Variants in TMTC1 observed in about 807,000 individuals in gnomAD.
TMTC1 encodes the protein transmembrane O-mannosyltransferase targeting cadherins 1.
TMTC1 carries 73 observed loss-of-function variants against 104.8 expected under a neutral mutation model. The ratio of observed to expected loss-of-function variants is 0.70; its 90% CI spans 0.58 to 0.85. The LOEUF (loss-of-function observed/expected upper bound fraction) is 0.85. Among genes scored for constraint, TMTC1 ranks in the 40% least tolerant of loss-of-function variants. The pLI is 0.00. For synonymous variants in TMTC1, 434 were observed against 428.7 expected (o/e 1.01, Z -0.15); for missense variants, 1,035 against 1,096.1 (o/e 0.94, Z 0.79).
chr12:29,725,406 T>C (rs1182658029), intron 5 of TMTC1, among the ~76,000 whole-genome samples: 2 of 151,986 alleles, frequency 1.3e-5, no homozygotes, highest in Non-Finnish European at 2.9e-5. Flanking sequence ...CCATCTCAGC[T>C]CACTGCAACC....
At chr12:29,761,582 G>GTTTTTTTT (rs10696109) in intron 2 of TMTC1, among the ~76,000 whole-genome samples, 1 of 149,398 alleles carries the variant, frequency 6.7e-6, no homozygotes. Flanking sequence ...TGCATTTCTC[G>GTTTTTTTT]TTTTTTTTTT....
intron 10 of TMTC1, among the ~76,000 whole-genome samples, chr12:29,555,954 G>T (rs1945233334): frequency 6.6e-6 from 1 of 152,044 alleles, no homozygotes; most frequent in African/African-American, 2.4e-5. Context: ...GCAACCATGT[G>T]GATTGTCAGC....
rs368756453 is a variant in TMTC1, at chr12:29,736,801, C to T, written c.938+14865G>A. 5.9e-5 allele frequency among the ~76,000 whole-genome samples: 9 copies of T among 152,336 alleles called. No individual in the cohort carries two copies. The East Asian group carries it at 1.7e-3, about 29-fold the overall frequency. On this transcript the variant is annotated intron_variant, in intron 5 of 17. Transcript: ENST00000539277. ...ATGACTACGTGCAACACTGTGCTGG[C>T]ATGCCCACAGCAAAAGCTTGCACAG...
intron 6 of TMTC1, among the ~76,000 whole-genome samples, chr12:29,616,234 C>T (rs1212771165): frequency 6.6e-6 from 1 of 152,136 alleles, no homozygotes; most frequent in Non-Finnish European, 1.5e-5. Flanking sequence ...TTGAGAAATG[C>T]TGGTACAAAC....
At chr12:29,682,247 A>G (rs566241878) in intron 5 of TMTC1, among the ~76,000 whole-genome samples, 2 of 152,234 alleles carry the variant, frequency 1.3e-5, no homozygotes, top group Non-Finnish European at 2.9e-5. Flanking sequence ...AAAATAGAGC[A>G]ATATCAAATA....
chr12:29,610,673 G>A (rs933597871), intron 6 of TMTC1, among the ~76,000 whole-genome samples: 4 of 152,188 alleles, frequency 2.6e-5, no homozygotes, highest in Admixed American at 6.5e-5. Flanking sequence ...CGGCCCCAGT[G>A]GTCACAAGGT....
chr12:29,555,486 C>G (rs139519183), intron 10 of TMTC1, among the ~76,000 whole-genome samples: 3 of 151,876 alleles, frequency 2.0e-5, no homozygotes, highest in South Asian at 2.1e-4. Flanking sequence ...CCCCCTACCC[C>G]CCGACAGGCC....
At chr12:29,526,037 T>C (rs1490975253) in intron 11 of TMTC1, among the ~76,000 whole-genome samples, 1 of 152,204 alleles carries the variant, frequency 6.6e-6, no homozygotes, top group Non-Finnish European at 1.5e-5. Context: ...GACAGTTGAA[T>C]GAAATTTCTC....
chr12:29,526,554 C>G (rs1247199426), intron 11 of TMTC1, among the ~76,000 whole-genome samples: 1 of 152,120 alleles, frequency 6.6e-6, no homozygotes, highest in Admixed American at 6.6e-5. Flanking sequence ...CCCAGTCAGT[C>G]TCTTCATTAG....
chr12:29,622,624 T>C (rs879687773), intron 6 of TMTC1, among the ~76,000 whole-genome samples: 13 of 152,226 alleles, frequency 8.5e-5, no homozygotes, highest in Admixed American at 1.3e-4. Flanking sequence ...TAACTGTACA[T>C]GCATTCCCAC....
chr12:29,768,977 T>G (rs1037170984), intron 1 of TMTC1, among the ~76,000 whole-genome samples: 6 of 152,204 alleles, frequency 3.9e-5, no homozygotes, highest in African/African-American at 1.4e-4. Context: ...CAGGGAGCAC[T>G]GATACCCTAA....
chr12:29,708,865 CA>C (rs1941823533), intron 5 of TMTC1, among the ~76,000 whole-genome samples: 2 of 152,106 alleles, frequency 1.3e-5, no homozygotes, highest in Admixed American at 6.5e-5. Context: ...CATCTAAAAT[CA>C]AGGGCCAAGT....
intron 5 of TMTC1, among the ~76,000 whole-genome samples, chr12:29,688,667 T>G (rs1004590731): frequency 2.0e-5 from 3 of 152,240 alleles, no homozygotes; most frequent in African/African-American, 7.2e-5. Context: ...CTATGGGTGT[T>G]TCACATGTAT....
chr12:29,584,279 C>T (rs1946065382), intron 7 of TMTC1, among the ~76,000 whole-genome samples: 1 of 152,114 alleles, frequency 6.6e-6, no homozygotes. Context: ...CTACATGGTC[C>T]CTCACATCAT....
At chr12:29,769,908 T>C (rs769123487) in intron 1 of TMTC1, among the ~76,000 whole-genome samples, 1 of 151,818 alleles carries the variant, frequency 6.6e-6, no homozygotes, top group Admixed American at 6.6e-5. Flanking sequence ...GTATAAAATA[T>C]ATATAAACTA....
At chr12:29,741,013 T>A (rs934673060) in intron 5 of TMTC1, among the ~76,000 whole-genome samples, 15 of 152,212 alleles carry the variant, frequency 9.9e-5, no homozygotes, top group African/African-American at 3.6e-4. Context: ...AAGCAAATGA[T>A]CCCTAAGACA....
chr12:29,658,762 A>G (rs532704628), intron 5 of TMTC1: 19 of 190,202 alleles, frequency 1.0e-4, no homozygotes, highest in South Asian at 6.3e-4. Context: ...GAGAACATCT[A>G]TGGGGTGCCT....
chr12:29,643,426 CTG>C (rs1938958338), intron 5 of TMTC1, among the ~76,000 whole-genome samples: 1 of 55,554 alleles, frequency 1.8e-5, no homozygotes, highest in African/African-American at 9.0e-5. Context: ...AGTGGATAAA[CTG>C]TGATATATAT....
chr12:29,501,999 T>C lies in TMTC1; in HGVS notation c.*4847A>G, dbSNP rs1264220166. 6.6e-6 allele frequency: 1 copy of C among 151,838 alleles called. No homozygotes were observed. Among genetic ancestry groups the C allele is most frequent in the Non-Finnish European group, 1.5e-5 (1 of 67,972 alleles). The allele number at this position is 151,838 out of a possible 1,614,324, so 9.4% of individuals were successfully genotyped here. The stretch of plus-strand genomic sequence containing the variant: ...AGAACTATTCAGCATATTTTCCTTT[T>C]GCATCAAAAACGTCAAGAATAATCA... On this transcript the variant is annotated 3_prime_UTR_variant, in exon 18 of 18. Transcript: ENST00000539277.
Sources: allele counts gnomAD v4.1 joint callset (sites outside exome capture counted in the v4.1 genomes callset), GRCh38; gene constraint gnomAD v4.1.1; transcripts MANE v1.5; gene names NCBI Gene and HGNC (gene_info 2026-07-23, HGNC 2026-07-21).